Variants in MAGI2 observed in about 807,000 individuals in gnomAD.
The protein encoded by MAGI2 is membrane-associated guanylate kinase, WW and PDZ domain-containing protein 2.
A neutral mutation model predicts 133.3 loss-of-function variants in MAGI2; 35 were observed. The observed-to-expected ratio is 0.26, with a 90% CI of 0.20 to 0.35. MAGI2 has a LOEUF of 0.35. MAGI2 is among the 10% of genes least tolerant of loss of function. The probability of loss-of-function intolerance (pLI) is 1.00; values close to 1 mark genes in which losing one functional copy is unlikely to be tolerated. For missense variants in MAGI2, 1,636 were observed against 1,863.4 expected (o/e 0.88, Z 2.25); for synonymous variants, 729 against 710.6 (o/e 1.03, Z -0.41).
chr7:78,880,678 G>A (rs566748003), intron 2 of MAGI2, among the ~76,000 whole-genome samples: 3 of 152,176 alleles, frequency 2.0e-5, no homozygotes, highest in Admixed American at 6.5e-5. Context: ...GTAAATTAAC[G>A]CAACCAGCTA....
chr7:79,074,035 C>A (rs541276483), intron 1 of MAGI2, among the ~76,000 whole-genome samples: 42 of 152,190 alleles, frequency 2.8e-4, no homozygotes, highest in African/African-American at 9.2e-4. Context: ...CTTCATAATA[C>A]CCAGACAGAG....
chr7:78,556,252 TA>T (rs1040179859), intron 3 of MAGI2, among the ~76,000 whole-genome samples: 1 of 152,180 alleles, frequency 6.6e-6, no homozygotes, highest in African/African-American at 2.4e-5. Context: ...AACTTATGGT[TA>T]GGGGCAAAAC....
intron 18 of MAGI2, among the ~76,000 whole-genome samples, chr7:78,128,221 GT>G (rs1289788174): frequency 6.6e-6 from 1 of 152,194 alleles, no homozygotes; most frequent in Non-Finnish European, 1.5e-5. Context: ...GTGTAGCATT[GT>G]TTTGTGAATC....
At chr7:78,848,266 T>C (rs1351037672) in intron 2 of MAGI2, among the ~76,000 whole-genome samples, 1 of 151,896 alleles carries the variant, frequency 6.6e-6, no homozygotes, top group East Asian at 2.0e-4. Flanking sequence ...GTCCACCTAG[T>C]TGCTCAAGTC....
Position 79,207,617 on chromosome 7 carries a change from T to C in MAGI2, c.302-200411A>G, listed in dbSNP as rs1034995755. On this transcript the variant is annotated intron_variant, in intron 1 of 21. Transcript: ENST00000354212. ...TATGGATTGGAAGAATCAATATTCT[T>C]AAAATGCTGATATTTTTCAAAATGA... Among the ~76,000 whole-genome samples the C allele has an allele frequency of 3.3e-5, 5 of 151,830 alleles. 1 individual carries two copies. The highest frequency in any genetic ancestry group is 1.2e-4 in the African/African-American group (5 of 41,262).
intron 6 of MAGI2, among the ~76,000 whole-genome samples, chr7:78,454,879 T>C (rs1789138884): frequency 6.6e-6 from 1 of 152,050 alleles, no homozygotes. Context: ...TATAGAGATA[T>C]AAAAAGATCA....
intron 21 of MAGI2, among the ~76,000 whole-genome samples, chr7:78,030,277 T>G (rs1387345095): frequency 6.6e-6 from 1 of 152,254 alleles, no homozygotes; most frequent in African/African-American, 2.4e-5. Flanking sequence ...TTTATTTTTA[T>G]TTTTTGAGAT....
At chr7:79,378,950 ATATATATATATATATATATATT>A (rs1301324115) in intron 1 of MAGI2, among the ~76,000 whole-genome samples, 2 of 70,898 alleles carry the variant, frequency 2.8e-5, no homozygotes, top group African/African-American at 1.3e-4. Flanking sequence ...ATATATATAT[ATATATATATATATATATATATT>A]AAACTTTAAG....
chr7:79,250,554 A>G (rs1833171635), intron 1 of MAGI2, among the ~76,000 whole-genome samples: 1 of 152,176 alleles, frequency 6.6e-6, no homozygotes, highest in Admixed American at 6.5e-5. Context: ...CAAAGAAGTA[A>G]ACAATCTGTA....
At chr7:79,315,103 T>G (rs889893511) in intron 1 of MAGI2, among the ~76,000 whole-genome samples, 1 of 151,888 alleles carries the variant, frequency 6.6e-6, no homozygotes, top group Non-Finnish European at 1.5e-5. Context: ...TTTGCAACTC[T>G]ACGAATATCA....
intron 2 of MAGI2, among the ~76,000 whole-genome samples, chr7:78,685,099 T>G (rs1346045573): frequency 6.6e-6 from 1 of 152,344 alleles, no homozygotes; most frequent in Non-Finnish European, 1.5e-5. Flanking sequence ...AATGTTTCTG[T>G]CAAAGTTTTC....
intron 6 of MAGI2, among the ~76,000 whole-genome samples, chr7:78,400,062 A>T (rs1438086619): frequency 6.6e-6 from 1 of 152,170 alleles, no homozygotes; most frequent in Non-Finnish European, 1.5e-5. Context: ...TAAATACCTG[A>T]TTGCATTTGA....
intron 6 of MAGI2, among the ~76,000 whole-genome samples, chr7:78,437,350 A>G (rs540050714): frequency 6.6e-6 from 1 of 152,284 alleles, no homozygotes; most frequent in South Asian, 2.1e-4. Flanking sequence ...GCATTTTGGA[A>G]TTGGGGGAAG....
chr7:78,233,902 G>A (rs530393175), intron 10 of MAGI2, among the ~76,000 whole-genome samples: 1 of 152,248 alleles, frequency 6.6e-6, no homozygotes, highest in Non-Finnish European at 1.5e-5. Flanking sequence ...TCCTTAGCAT[G>A]AGGGAGAGAA....
intron 15 of MAGI2, among the ~76,000 whole-genome samples, chr7:78,163,180 C>T (rs760112838): frequency 2.4e-4 from 37 of 152,078 alleles, no homozygotes; most frequent in Non-Finnish European, 4.9e-4. Context: ...CTCTGTCGCC[C>T]AGGCTGGAGT....
At chr7:78,062,682 C>A (rs1421730939) in intron 21 of MAGI2, among the ~76,000 whole-genome samples, 2 of 152,208 alleles carry the variant, frequency 1.3e-5, no homozygotes, top group Non-Finnish European at 2.9e-5. Context: ...GAGAGCTCAG[C>A]CCCACTTATG....
chr7:79,061,077 G>A (rs1215371552), intron 1 of MAGI2, among the ~76,000 whole-genome samples: 1 of 151,938 alleles, frequency 6.6e-6, no homozygotes, highest in East Asian at 1.9e-4. Flanking sequence ...CATAACTAAT[G>A]TTTCTTAGCT....
chr7:79,372,275 A>G (rs1419852855), intron 1 of MAGI2, among the ~76,000 whole-genome samples: 1 of 152,128 alleles, frequency 6.6e-6, no homozygotes, highest in East Asian at 1.9e-4. Flanking sequence ...TCACAATTCA[A>G]AGAATGAAAC....
At chr7:78,237,100 C>G (rs761019470) in intron 10 of MAGI2, among the ~76,000 whole-genome samples, 10 of 152,124 alleles carry the variant, frequency 6.6e-5, no homozygotes, top group Non-Finnish European at 1.5e-4. Flanking sequence ...GGTGGGGACA[C>G]AGCCAAACCA....
Sources: gnomAD v4.1 joint callset for allele counts (sites outside exome capture counted in the v4.1 genomes callset) on GRCh38, gnomAD v4.1.1 for gene constraint, MANE v1.5 for transcripts, NCBI Gene and HGNC (gene_info 2026-07-23, HGNC 2026-07-21) for gene names.